Variants in RALGAPA1 observed in about 807,000 individuals in gnomAD.
RALGAPA1 encodes ral GTPase-activating protein subunit alpha-1.
In RALGAPA1, 52 loss-of-function variants were observed where a neutral mutation model predicts 269.6. The observed-to-expected ratio is 0.19, with a 90% CI of 0.15 to 0.24. The LOEUF (loss-of-function observed/expected upper bound fraction) is 0.24, where lower values mean the gene tolerates loss of function less well. RALGAPA1 is among the 10% of genes least tolerant of loss of function. RALGAPA1 has a pLI of 1.00. For missense variants in RALGAPA1, 1,917 were observed against 3,013.9 expected, an observed-to-expected ratio of 0.64 and a Z score of 8.52; for synonymous variants, 817 against 1,008.3, an observed-to-expected ratio of 0.81 and a Z score of 3.60.
chr14:35,673,714 G>A (rs2064703066), intron 24 of RALGAPA1, among the ~76,000 whole-genome samples: 1 of 152,028 alleles, frequency 6.6e-6, no homozygotes, highest in African/African-American at 2.4e-5. Context: ...TCGAGTAGCT[G>A]GGATTACAGG....
intron 1 of RALGAPA1, among the ~76,000 whole-genome samples, chr14:35,805,063 G>A (rs1278741213): frequency 3.9e-5 from 6 of 152,004 alleles, no homozygotes; most frequent in Non-Finnish European, 7.4e-5. Flanking sequence ...TGAGGCAGGC[G>A]GATCACGAGG....
chr14:35,653,150 A>T (rs1330625648), intron 30 of RALGAPA1, among the ~76,000 whole-genome samples: 2 of 152,158 alleles, frequency 1.3e-5, no homozygotes, highest in African/African-American at 4.8e-5. Context: ...TATGACTCTT[A>T]TGTAGTTATT....
At chr14:35,730,229 C>T (rs186384323) in intron 12 of RALGAPA1, among the ~76,000 whole-genome samples, 3 of 152,254 alleles carry the variant, frequency 2.0e-5, no homozygotes, top group African/African-American at 7.2e-5. Context: ...GTAGGAAATG[C>T]CCTGGGAGCT....
Position 35,760,861 on chromosome 14 carries a change from T to C in RALGAPA1, c.515A>G (p.Asn172Ser). Residue 172 changes from asparagine to serine, a missense_variant, in exon 6 of 42, where the codon AAT (asparagine) becomes AGT (serine). Coordinates refer to ENST00000680220, the MANE Select transcript of RALGAPA1 (RefSeq NM_001346249.2). The stretch of plus-strand genomic sequence containing the variant: ...AAGGTTGAGTGGAGGATTAATGAGA[T>C]TATCTAAAGTTCGAGGTCCATGTTC... The part of the protein sequence containing the change: ...QSEHGPRTLD[N>S]LINPPLNLQE... The C allele has an allele frequency of 1.9e-6, 3 of 1,611,642 alleles. No individual in the cohort carries two copies. Among genetic ancestry groups the C allele is most frequent in the Non-Finnish European group, 1.7e-6 (2 of 1,179,190 alleles).
chr14:35,624,003 C>T (rs1566852664), intron 35 of RALGAPA1, among the ~76,000 whole-genome samples: 2 of 151,424 alleles, frequency 1.3e-5, no homozygotes, highest in Admixed American at 6.6e-5. Context: ...AGGAGACTGG[C>T]GTGAACCCGG....
At chr14:35,794,866 A>C (rs1349411883) in intron 1 of RALGAPA1, among the ~76,000 whole-genome samples, 2 of 152,242 alleles carry the variant, frequency 1.3e-5, no homozygotes, top group East Asian at 3.8e-4. Flanking sequence ...ACTCAGAAAG[A>C]TATTTCTTTG....
At chr14:35,629,606 C>T (rs1193553771) in intron 33 of RALGAPA1, among the ~76,000 whole-genome samples, 3 of 152,082 alleles carry the variant, frequency 2.0e-5, no homozygotes, top group Admixed American at 6.6e-5. Context: ...CGTGTTCAAG[C>T]GATTCTCCTG....
chr14:35,577,400 C>A (rs1022771306), intron 37 of RALGAPA1, among the ~76,000 whole-genome samples: 2 of 151,924 alleles, frequency 1.3e-5, no homozygotes, highest in Non-Finnish European at 2.9e-5. Flanking sequence ...ATAAAAGAGA[C>A]CCCAGAGAGC....
At chr14:35,666,288 G>C (rs2063929338) in intron 26 of RALGAPA1, among the ~76,000 whole-genome samples, 1 of 152,096 alleles carries the variant, frequency 6.6e-6, no homozygotes, top group Non-Finnish European at 1.5e-5. Context: ...ATCTGTGGTA[G>C]GTTCCACTGG....
chr14:35,602,472 C>G (rs1322774776), intron 36 of RALGAPA1, among the ~76,000 whole-genome samples: 1 of 152,190 alleles, frequency 6.6e-6, no homozygotes, highest in Non-Finnish European at 1.5e-5. Context: ...TCCTAGCCAA[C>G]AGTTGTTATT....
chr14:35,577,552 A>C (rs1330920781), intron 37 of RALGAPA1, among the ~76,000 whole-genome samples: 1 of 152,130 alleles, frequency 6.6e-6, no homozygotes, highest in Non-Finnish European at 1.5e-5. Context: ...GTGAGAAATA[A>C]ATTTCTGTGG....
At chr14:35,571,336 A>C (rs1183177234) in intron 38 of RALGAPA1, among the ~76,000 whole-genome samples, 1 of 152,016 alleles carries the variant, frequency 6.6e-6, no homozygotes, top group East Asian at 1.9e-4. Context: ...TAAATATTTT[A>C]GATTTTGTGG....
At chr14:35,599,639 G>C (rs1445233364) in intron 36 of RALGAPA1, among the ~76,000 whole-genome samples, 1 of 152,012 alleles carries the variant, frequency 6.6e-6, no homozygotes, top group Non-Finnish European at 1.5e-5. Context: ...TCCCAGCTTC[G>C]TCGGGAGGCT....
At chr14:35,769,577 C>T (rs1166913566) in intron 4 of RALGAPA1, among the ~76,000 whole-genome samples, 2 of 151,526 alleles carry the variant, frequency 1.3e-5, no homozygotes, top group Non-Finnish European at 2.9e-5. Flanking sequence ...TCCCCTGAAT[C>T]TAAAAATAAA....
rs772943385 is a variant in RALGAPA1, at chr14:35,674,289, C to T, written c.4819-11G>A. ...AAGGTTATCTCTAATCTGTAATTTT[C>T]AAATAAAAAGCAACAAACCTAAGAA... On this transcript the variant is annotated splice_polypyrimidine_tract_variant and intron_variant, in intron 23 of 41. Transcript: ENST00000680220. 1.7e-5 allele frequency: 27 copies of T among 1,591,700 alleles called. No individual in the cohort carries two copies. Among genetic ancestry groups the T allele is most frequent in the Middle Eastern group, 1.7e-4 (1 of 6,000 alleles).
At position 35,664,756 on chromosome 14, in the gene RALGAPA1, T is replaced by C; in HGVS notation, c.5214A>G (p.Val1738=). ...ASSAFLNAPR[V]EAQVLLGSLV... ...AAGATCCCAGAAGAACTTGTGCTTC[T>C]ACTCTTGGTGCCTATGTATCACATT... The change falls in exon 27 of 42, where the codon GTA becomes GTG. Residue 1738 remains valine, a synonymous_variant. Transcript: ENST00000680220. The C allele has an allele frequency of 6.2e-7, 1 of 1,610,416 alleles. No individual in the cohort carries two copies. Among genetic ancestry groups the C allele is most frequent in the Non-Finnish European group, 8.5e-7 (1 of 1,179,098 alleles).
chr14:35,677,859 T>C (rs1021521843), intron 22 of RALGAPA1, 91 bp downstream of exon 22: 1 of 1,204,742 alleles, frequency 8.3e-7, no homozygotes, highest in African/African-American at 1.5e-5. Context: ...ACAATAATCA[T>C]ATATAATCAA....
chr14:35,628,024 A>G, intron 33 of RALGAPA1, 73 bp from the exon 34 acceptor site: 2 of 1,424,846 alleles, frequency 1.4e-6, no homozygotes, highest in Non-Finnish European at 1.9e-6. Context: ...GAAATATTAG[A>G]CAACAAATAG....
At chr14:35,631,057 T>C (rs1371657391) in intron 33 of RALGAPA1, among the ~76,000 whole-genome samples, 1 of 152,158 alleles carries the variant, frequency 6.6e-6, no homozygotes, top group Non-Finnish European at 1.5e-5. Flanking sequence ...TTGAGCTATA[T>C]GACAAGAAAT....
Sources: gnomAD v4.1 joint callset for allele counts (sites outside exome capture counted in the v4.1 genomes callset) on GRCh38, gnomAD v4.1.1 for gene constraint, MANE v1.5 for transcripts, NCBI Gene and HGNC (gene_info 2026-07-23, HGNC 2026-07-21) for gene names.